ATIC: variants seen among roughly 807,000 people sequenced by gnomAD.
ATIC encodes bifunctional purine biosynthesis protein ATIC.
A neutral mutation model predicts 72.5 loss-of-function variants in ATIC; 64 were observed. That is an observed-to-expected ratio of 0.88 (90% CI 0.72 to 1.09). The LOEUF (loss-of-function observed/expected upper bound fraction) is 1.09. ATIC is among the 50% of genes least tolerant of loss of function. ATIC has a pLI of 0.00. For missense variants in ATIC, 787 were observed against 732.4 expected, an observed-to-expected ratio of 1.07 and a Z score of -0.86; for synonymous variants, 281 against 267.1, an observed-to-expected ratio of 1.05 and a Z score of -0.51.
chr2:215,352,380 G>C (rs1026296549), downstream of ATIC, among the ~76,000 whole-genome samples: 3 of 152,024 alleles, frequency 2.0e-5, no homozygotes, highest in Admixed American at 2.0e-4. Flanking sequence ...TCAGGAGTTC[G>C]AGACCAGCCT....
At chr2:215,340,800 G>A (rs769742182) in intron 12 of ATIC, among the ~76,000 whole-genome samples, 9 of 152,154 alleles carry the variant, frequency 5.9e-5, no homozygotes, top group Non-Finnish European at 1.2e-4. Flanking sequence ...GCCAAAAGTT[G>A]TGCTCAGCCA....
chr2:215,318,731 A>G (rs1237044766), intron 3 of ATIC, among the ~76,000 whole-genome samples: 3 of 152,214 alleles, frequency 2.0e-5, no homozygotes, highest in African/African-American at 4.8e-5. Context: ...CTGAATGGCT[A>G]CAGATCATCA....
intron 14 of ATIC, chr2:215,347,258 C>T (rs529998798): frequency 1.7e-4 from 66 of 397,988 alleles, no homozygotes; most frequent in African/African-American, 1.2e-3. Flanking sequence ...TTTTCACCTA[C>T]GTCGAGGTGC....
At chr2:215,353,737 C>CT (rs1223224125), downstream of ATIC, among the ~76,000 whole-genome samples, 2 of 151,774 alleles carry the variant, frequency 1.3e-5, no homozygotes, top group Non-Finnish European at 2.9e-5. Context: ...AATTTTTGTA[C>CT]TTTTAGTAGA....
chr2:215,365,594 C>T, the ATIC span: 1 of 1,613,966 alleles, frequency 6.2e-7, no homozygotes, highest in Admixed American at 1.7e-5. Context: ...CCACTTCTCT[C>T]CAATCTTGTA....
Position 215,349,674 on chromosome 2 carries a change from T to C in ATIC, c.*19T>C. ...CCACTGATTTTACCACACACTGTTT[T>C]TTGGCTTGCTTATGTGTAGGTGAAC... On this transcript the variant is annotated 3_prime_UTR_variant, in exon 16 of 16. Coordinates refer to ENST00000236959, the MANE Select transcript of ATIC (RefSeq NM_004044.7). 1.2e-6 allele frequency: 2 copies of C among 1,614,158 alleles called. No individual in the cohort carries two copies. The highest frequency in any genetic ancestry group is 2.2e-5 in the South Asian group (2 of 91,078).
At chr2:215,349,953 T>C (rs1266264248), downstream of ATIC, among the ~76,000 whole-genome samples, 2 of 152,098 alleles carry the variant, frequency 1.3e-5, no homozygotes, top group African/African-American at 4.8e-5. Flanking sequence ...CCAGAGGACA[T>C]GGCACAAGTC....
chr2:215,346,982 C>T (rs774273292), intron 14 of ATIC, 41 bp downstream of exon 14: 3 of 1,601,724 alleles, frequency 1.9e-6, no homozygotes, highest in East Asian at 2.2e-5. Context: ...TGTTAATATT[C>T]AGTTCAACCC....
Position 215,319,697 on chromosome 2 carries a change from G to A in ATIC, c.256G>A (p.Ala86Thr). The A allele has an allele frequency of 6.2e-7, 1 of 1,612,436 alleles. No individual in the cohort carries two copies. The highest frequency in any genetic ancestry group is 2.2e-5 in the East Asian group (1 of 44,854). The change falls in exon 4 of 16, where the codon GCT becomes ACT. Residue 86 changes from alanine (A) to threonine (T), a missense_variant. Transcript: ENST00000236959. ...ILARNIPEDN[A>T]DMARLDFNLI... ...AGCTCGTAATATTCCAGAAGATAAT[G>A]CTGACATGGCCAGACTTGATTTCAA...
chr2:215,353,122 T>G (rs1326518797), downstream of ATIC, among the ~76,000 whole-genome samples: 1 of 152,254 alleles, frequency 6.6e-6, no homozygotes, highest in East Asian at 1.9e-4. Flanking sequence ...AAGTTATTAT[T>G]GCTTTTGGTT....
intron 4 of ATIC, among the ~76,000 whole-genome samples, chr2:215,320,650 G>A (rs985393343): frequency 1.3e-5 from 2 of 152,154 alleles, no homozygotes; most frequent in African/African-American, 4.8e-5. Context: ...CATGACCTTG[G>A]CTCACTGCAA....
intron 3 of ATIC, among the ~76,000 whole-genome samples, chr2:215,318,668 A>G (rs1428102695): frequency 3.9e-5 from 6 of 152,184 alleles, no homozygotes; most frequent in Admixed American, 3.3e-4. Flanking sequence ...CGAAACGGCA[A>G]GAAACTGGTA....
At chr2:215,356,101 A>G in the ATIC span, among the ~76,000 whole-genome samples, 1 of 152,256 alleles carries the variant, frequency 6.6e-6, no homozygotes, top group Non-Finnish European at 1.5e-5. Context: ...TTGTAGAATG[A>G]GATGAGAACA....
At chr2:215,330,175 G>A (rs1224266523) in intron 7 of ATIC, among the ~76,000 whole-genome samples, 1 of 152,138 alleles carries the variant, frequency 6.6e-6, no homozygotes, top group Non-Finnish European at 1.5e-5. Flanking sequence ...TGTACATATG[G>A]TGTTTTGTTT....
At chr2:215,319,415 T>C (rs1270510293) in intron 3 of ATIC, among the ~76,000 whole-genome samples, 1 of 152,054 alleles carries the variant, frequency 6.6e-6, no homozygotes, top group African/African-American at 2.4e-5. Flanking sequence ...TGGTGATGCA[T>C]TCCTGTAGTC....
chr2:215,354,845 A>G, the ATIC span, among the ~76,000 whole-genome samples: 2 of 150,450 alleles, frequency 1.3e-5, no homozygotes, highest in Non-Finnish European at 3.0e-5. Flanking sequence ...CTGTGAGCTC[A>G]TTTTCCCTGA....
the ATIC span, among the ~76,000 whole-genome samples, chr2:215,367,395 T>G: frequency 4.6e-5 from 7 of 152,212 alleles, 1 homozygote; most frequent in South Asian, 1.4e-3. Flanking sequence ...GCTATGTGTG[T>G]GACGCAAAAG....
At chr2:215,362,386 T>G in the ATIC span, 41 of 397,438 alleles carry the variant, frequency 1.0e-4, no homozygotes, top group East Asian at 1.4e-3. Context: ...CCTCAACAAG[T>G]TCTCTGCACT....
chr2:215,348,691 G>A lies in ATIC; in HGVS notation c.1504-403G>A, dbSNP rs560702336. The A allele has an allele frequency of 1.6e-3, 660 of 421,250 alleles. 3 individuals are homozygous for A. The highest frequency in any genetic ancestry group is 2.0e-3 in the Non-Finnish European group (436 of 214,694). The allele number at this position is 421,250 out of a possible 1,614,324, so 26.1% of individuals were successfully genotyped here. A position where few individuals can be genotyped will look rare whatever the true frequency, so the allele number is the denominator to read the frequency against. Reference sequence around the variant, plus strand: ...CAATTAAGAAATCCTGGCCGGGCGCGGTGGCTCATGCCTATAATCCCAGCA... The same window carrying A: ...CAATTAAGAAATCCTGGCCGGGCGCAGTGGCTCATGCCTATAATCCCAGCA... On this transcript the variant is annotated intron_variant, in intron 14 of 15. Transcript: ENST00000236959.
Sources: allele counts gnomAD v4.1 joint callset (sites outside exome capture counted in the v4.1 genomes callset), GRCh38; gene constraint gnomAD v4.1.1; transcripts MANE v1.5; gene names NCBI Gene and HGNC (gene_info 2026-07-23, HGNC 2026-07-21).